AFF1: variants seen among roughly 807,000 people sequenced by gnomAD.
AFF1 encodes AF4/FMR2 family member 1.
A neutral mutation model predicts 121.7 loss-of-function variants in AFF1; 48 were observed. The observed-to-expected ratio is 0.39, with a 90% CI of 0.31 to 0.50. The LOEUF is 0.50. AFF1 is among the 20% of genes least tolerant of loss of function. AFF1 has a pLI of 0.76. For missense variants in AFF1, 1,523 were observed against 1,511.7 expected, an observed-to-expected ratio of 1.01 and a Z score of -0.12; for synonymous variants, 613 against 563.0, an observed-to-expected ratio of 1.09 and a Z score of -1.26.
intron 2 of AFF1, among the ~76,000 whole-genome samples, chr4:86,994,666 C>T (rs1724977936): frequency 6.6e-6 from 1 of 152,122 alleles, no homozygotes; most frequent in Non-Finnish European, 1.5e-5. Context: ...GAACTAGGAG[C>T]TTGTGTTAGG....
At position 87,022,598 on chromosome 4, in the gene AFF1, C is replaced by CTG. The variant is rs1395157289; in HGVS notation, c.39-23562_39-23561dup. ...TATATATATATCTATCTATATCTAT[C>CTG]TGTGTGTATATATATCTGTGTGTGT... On this transcript the variant is annotated intron_variant, in intron 2 of 20. Coordinates refer to ENST00000395146, the MANE Select transcript of AFF1 (RefSeq NM_001166693.3). Among the ~76,000 whole-genome samples the CTG allele has an allele frequency of 2.1e-3, 201 of 96,380 alleles. 8 individuals are homozygous for CTG. Among genetic ancestry groups the CTG allele is most frequent in the Non-Finnish European group, 2.7e-3 (133 of 48,726 alleles). The allele number at this position is 96,380 out of a possible 152,430, so 63.2% of individuals were successfully genotyped here. A position where few individuals can be genotyped will look rare whatever the true frequency, so the allele number is the denominator to read the frequency against.
chr4:87,085,580 G>A (rs1723644477), intron 5 of AFF1, among the ~76,000 whole-genome samples: 1 of 151,608 alleles, frequency 6.6e-6, no homozygotes, highest in Admixed American at 6.6e-5. Flanking sequence ...AGTGATGGTG[G>A]TACTAAAACC....
chr4:87,125,119 C>T lies in AFF1; in HGVS notation c.2549C>T (p.Ser850Phe). The T allele has an allele frequency of 3.1e-6, 5 of 1,610,210 alleles. No individual in the cohort carries two copies. Among genetic ancestry groups the T allele is most frequent in the South Asian group, 1.1e-5 (1 of 90,370 alleles). Residue 850 changes from serine to phenylalanine, a missense_variant, in exon 13 of 21, where the codon TCC becomes TTC. This residue lies in a region of AFF1 where 905 missense variants were observed against 842.5 expected (regional missense o/e 1.07). Coordinates refer to ENST00000395146, the MANE Select transcript of AFF1 (RefSeq NM_001166693.3). ...IKSQSSSSSS[S>F]HKESSKTKPS... ...TCACAGTCATCTTCATCTTCATCCT[C>T]CCACAAAGAATCTTCTAAAACAAAG... is the stretch of plus-strand genomic sequence containing the variant.
At chr4:86,975,152 A>C (rs1723214378) in intron 2 of AFF1, among the ~76,000 whole-genome samples, 1 of 152,148 alleles carries the variant, frequency 6.6e-6, no homozygotes, top group Non-Finnish European at 1.5e-5. Context: ...CCCAAAAGCC[A>C]TGTTTTCCCA....
chr4:87,132,095 T>C (rs1173226050), intron 18 of AFF1, among the ~76,000 whole-genome samples, 176 bp from the exon 19 acceptor site: 1 of 152,232 alleles, frequency 6.6e-6, no homozygotes, highest in Non-Finnish European at 1.5e-5. Context: ...TATATCCTTG[T>C]GTTTTCTACC....
At chr4:86,967,627 G>A (rs745742306) in intron 2 of AFF1, among the ~76,000 whole-genome samples, 1 of 152,124 alleles carries the variant, frequency 6.6e-6, no homozygotes, top group African/African-American at 2.4e-5. Flanking sequence ...AGAGAATCCA[G>A]TGGGCTCTGG....
intron 4 of AFF1, among the ~76,000 whole-genome samples, chr4:87,067,583 T>A (rs1721488115): frequency 6.6e-6 from 1 of 152,196 alleles, no homozygotes. Context: ...CATTGCTAAA[T>A]GCACAGAGTC....
intron 15 of AFF1, 49 bp downstream of exon 15, chr4:87,127,166 T>TGGGGGGGGCC: frequency 9.2e-7 from 1 of 1,084,622 alleles, no homozygotes; most frequent in East Asian, 3.2e-5. Flanking sequence ...TTGTTTTGCT[T>TGGGGGGGGCC]CCCCCCCCCA....
At chr4:86,953,254 A>T (rs1721501397) in intron 2 of AFF1, among the ~76,000 whole-genome samples, 1 of 152,132 alleles carries the variant, frequency 6.6e-6, no homozygotes, top group South Asian at 2.1e-4. Context: ...AAAAAGCTCT[A>T]TTTTTAATAC....
At chr4:86,969,357 T>TA (rs1271588309) in intron 2 of AFF1, among the ~76,000 whole-genome samples, 1 of 151,922 alleles carries the variant, frequency 6.6e-6, no homozygotes, top group Non-Finnish European at 1.5e-5. Flanking sequence ...CACGTGCCTG[T>TA]AGTCCCAGCT....
chr4:87,087,261 T>C (rs565789740), intron 5 of AFF1, among the ~76,000 whole-genome samples: 2 of 152,352 alleles, frequency 1.3e-5, no homozygotes, highest in South Asian at 4.1e-4. Flanking sequence ...TTGTAGTGAA[T>C]AAGACAGAGT....
At chr4:87,089,951 T>A (rs1724130433) in intron 5 of AFF1, 33 bp from the exon 6 acceptor site, 3 of 1,511,118 alleles carry the variant, frequency 2.0e-6, no homozygotes, top group Non-Finnish European at 2.8e-6. Context: ...ATTTATAATT[T>A]ACTTTTTCTT....
At chr4:86,969,969 T>C (rs1431109527) in intron 2 of AFF1, among the ~76,000 whole-genome samples, 2 of 150,920 alleles carry the variant, frequency 1.3e-5, no homozygotes, top group Admixed American at 6.6e-5. Flanking sequence ...ATCAAAGATA[T>C]CTTATTTTTG....
chr4:87,074,170 ACT>A (rs770255065), intron 4 of AFF1, among the ~76,000 whole-genome samples: 7 of 152,098 alleles, frequency 4.6e-5, no homozygotes, highest in African/African-American at 7.2e-5. Flanking sequence ...TCCGAAAAAC[ACT>A]CTGAGGTTTT....
At chr4:87,013,378 G>A (rs1726994576) in intron 2 of AFF1, among the ~76,000 whole-genome samples, 2 of 152,094 alleles carry the variant, frequency 1.3e-5, no homozygotes, top group African/African-American at 4.8e-5. Context: ...GCTGGGAGCA[G>A]TAATTTGGTG....
chr4:86,955,552 G>A (rs1004404175), intron 2 of AFF1, among the ~76,000 whole-genome samples: 1 of 152,150 alleles, frequency 6.6e-6, no homozygotes, highest in Non-Finnish European at 1.5e-5. Context: ...CAAAGTGTGT[G>A]CTAAATTACA....
intron 1 of AFF1, among the ~76,000 whole-genome samples, chr4:86,938,470 AAAGG>A (rs996061714): frequency 2.6e-5 from 4 of 151,326 alleles, no homozygotes; most frequent in African/African-American, 7.3e-5. Flanking sequence ...AAAAAAAAGA[AAAGG>A]AAAAAAGTAA....
chr4:87,091,178 G>C (rs929789009), intron 6 of AFF1, among the ~76,000 whole-genome samples: 1 of 152,122 alleles, frequency 6.6e-6, no homozygotes, highest in South Asian at 2.1e-4. Flanking sequence ...GCTGAGGCGG[G>C]TGGATCACGA....
At position 87,029,562 on chromosome 4, in the gene AFF1, C is replaced by T. The variant is rs548300444; in HGVS notation, c.39-16604C>T. 2.0e-4 allele frequency among the ~76,000 whole-genome samples: 30 copies of T among 152,266 alleles called. No individual in the cohort carries two copies. In the South Asian group the frequency reaches 4.6e-3, roughly 23 times the overall value. The stretch of plus-strand genomic sequence containing the variant: ...CTTCATATTTTCCAAAAACCACACC[C>T]GCCTGCTGGAATAGATAGCACAGGG... On this transcript the variant is annotated intron_variant, in intron 2 of 20. Transcript: ENST00000395146.
Sources: allele counts gnomAD v4.1 joint callset (sites outside exome capture counted in the v4.1 genomes callset), GRCh38; gene constraint gnomAD v4.1.1; regional missense constraint gnomAD v4.1.1; transcripts MANE v1.5; gene names NCBI Gene and HGNC (gene_info 2026-07-23, HGNC 2026-07-21).